FAM227A: variants seen among roughly 807,000 people sequenced by gnomAD.
The protein encoded by FAM227A is protein FAM227A.
FAM227A carries 80 observed loss-of-function variants against 74.7 expected under a neutral mutation model. The observed-to-expected ratio is 1.07, with a 90% confidence interval of 0.89 to 1.29. The LOEUF is 1.29. FAM227A is among the 50% of genes most tolerant of loss of function. FAM227A has a pLI of 0.00. For missense variants in FAM227A, 654 were observed against 683.4 expected (o/e 0.96, Z 0.48); for synonymous variants, 237 against 241.8 (o/e 0.98, Z 0.19).
rs942850403 is a variant in FAM227A, at chr22:38,582,006, G to A, written c.*4119C>T. The A allele has an allele frequency of 5.0e-5, 11 of 221,182 alleles. No homozygotes were observed. The Admixed American group carries it at 5.9e-4, about 12-fold the overall frequency. The allele number at this position is 221,182 out of a possible 1,614,324, so 13.7% of individuals were successfully genotyped here. ...AATCCTCTTGCCTTGGCCTTCCAAA[G>A]TGCTGGGATTACAGGTGTGAGCCAC... On this transcript the variant is annotated 3_prime_UTR_variant, in exon 17 of 17. Transcript: ENST00000535113.
intron 15 of FAM227A, among the ~76,000 whole-genome samples, chr22:38,593,526 A>AAACC (rs1015468666): frequency 3.3e-5 from 5 of 152,064 alleles, no homozygotes; most frequent in Non-Finnish European, 5.9e-5. Flanking sequence ...AAAACAAAAC[A>AAACC]AAAAAAGAAT....
Position 38,599,885 on chromosome 22 carries a change from T to C in FAM227A, c.1258A>G (p.Asn420Asp), listed in dbSNP as rs959416493. Residue 420 changes from asparagine (N) to aspartate (D), a missense_variant, in exon 14 of 17, where the codon AAC becomes GAC. Asn to Asp is a conservative substitution (Grantham distance 23). Coordinates refer to ENST00000535113, the MANE Select transcript of FAM227A (RefSeq NM_001013647.2). ...AACKSPELTS[N>D]LFNIYGKSPL... ...CTCTTCCCATAAATGTTGAAGAGGTTTGAAGTCAGCTCAGGGCTTTTGCAG... is the reference window on the plus strand; with the variant it reads ...CTCTTCCCATAAATGTTGAAGAGGTCTGAAGTCAGCTCAGGGCTTTTGCAG... The C allele has an allele frequency of 2.3e-5, 36 of 1,551,200 alleles. No individual in the cohort carries two copies. The highest frequency in any genetic ancestry group is 7.3e-5 in the East Asian group (3 of 40,900).
rs2090683869 is a variant in FAM227A, at chr22:38,578,948, T to C, written c.*7177A>G. 1 of 152,184 alleles carries C rather than the reference T, an allele frequency of 6.6e-6. No homozygotes were observed. The highest frequency in any genetic ancestry group is 6.5e-5 in the Admixed American group (1 of 15,276). 9.4% of individuals were successfully genotyped at this position (152,184 alleles called of 1,614,324 possible). A position where few individuals can be genotyped will look rare whatever the true frequency, so the allele number is the denominator to read the frequency against. Reference sequence around the variant, plus strand: ...CACTGTTCTAAGTGCCTCCCACAGATTCATGCATCCACTCCTCACACAGAC... The same window carrying C: ...CACTGTTCTAAGTGCCTCCCACAGACTCATGCATCCACTCCTCACACAGAC... On this transcript the variant is annotated 3_prime_UTR_variant, in exon 17 of 17. Transcript: ENST00000535113.
chr22:38,652,311 A>C, intron 1 of FAM227A, among the ~76,000 whole-genome samples: 1 of 151,312 alleles, frequency 6.6e-6, no homozygotes, highest in East Asian at 2.0e-4. Flanking sequence ...ACTTTAGGCC[A>C]GGCGCAGTGG....
At position 38,651,886 on chromosome 22, in the gene FAM227A, T is replaced by C. The variant is rs180986604; in HGVS notation, c.-94-1624A>G. ...TCTGGCAGTCAAGATTCAAATGCCC[T>C]GTTTAAAGTTAACATATTTGGGCTG... is the stretch of plus-strand genomic sequence containing the variant. On this transcript the variant is annotated intron_variant, in intron 1 of 16. Transcript: ENST00000535113. Among the ~76,000 whole-genome samples the C allele has an allele frequency of 5.0e-3, 754 of 152,204 alleles. 8 individuals are homozygous for C. Among genetic ancestry groups the C allele is most frequent in the African/African-American group, 0.017 (721 of 41,550 alleles).
At chr22:38,634,968 C>T (rs551492479) in intron 6 of FAM227A, among the ~76,000 whole-genome samples, 14 of 151,990 alleles carry the variant, frequency 9.2e-5, no homozygotes, top group Non-Finnish European at 1.9e-4. Flanking sequence ...AGGAGGGGGT[C>T]GGGCGCAGTG....
chr22:38,643,519 C>A (rs951825621), intron 3 of FAM227A, among the ~76,000 whole-genome samples: 1 of 152,114 alleles, frequency 6.6e-6, no homozygotes, highest in African/African-American at 2.4e-5. Context: ...CTGGTGAGAA[C>A]GTGGAGCCGC....
In FAM227A at chr22:38,585,758, G is replaced by A. The variant is rs1411872083; in HGVS notation, c.*367C>T. The A allele has an allele frequency of 2.1e-5, 7 of 335,376 alleles. No homozygotes were observed. Among genetic ancestry groups the A allele is most frequent in the South Asian group, 9.6e-5 (2 of 20,824 alleles). 20.8% of individuals were successfully genotyped at this position (335,376 alleles called of 1,614,324 possible). A position where few individuals can be genotyped will look rare whatever the true frequency, so the allele number is the denominator to read the frequency against. On this transcript the variant is annotated 3_prime_UTR_variant, in exon 17 of 17. Coordinates refer to ENST00000535113, the MANE Select transcript of FAM227A (RefSeq NM_001013647.2). ...CCCAGTGTCTACAGCAGAGAACTTC[G>A]GAAACCTTTCTAAACCTGGGCTTGC...
At chr22:38,647,396 GGA>G (rs1412547021) in intron 2 of FAM227A, among the ~76,000 whole-genome samples, 1 of 151,988 alleles carries the variant, frequency 6.6e-6, no homozygotes, top group Admixed American at 6.6e-5. Flanking sequence ...CCCAGGAGGC[GGA>G]CGTTGCAGTG....
rs545048293 is a variant in FAM227A at position 38,636,028 on chromosome 22, GAGAGAA to G, written c.519+417_519+422del. Among the ~76,000 whole-genome samples, 675 of 134,934 alleles carry G rather than the reference GAGAGAA, an allele frequency of 5.0e-3. 3 individuals are homozygous for G. The highest frequency in any genetic ancestry group is 8.0e-3 in the Non-Finnish European group (498 of 62,262). The allele number at this position is 134,934 out of a possible 152,430, so 88.5% of individuals were successfully genotyped here. A position where few individuals can be genotyped will look rare whatever the true frequency, so the allele number is the denominator to read the frequency against. On this transcript the variant is annotated intron_variant, in intron 6 of 16. Transcript: ENST00000535113. ...AAAAGAAAAAGAAGGAAAGAAAGAA[GAGAGAA>G]AGAGAAAGAGAGAGAAAGAAGGAAA...
chr22:38,653,607 C>T lies in FAM227A; in HGVS notation c.-95+2513G>A, dbSNP rs142114508. ...GGTCAGGCTGGTCTCAAACTCCTGA[C>T]CTCGTGATCTGCCTGTCTCAGCCTC... On this transcript the variant is annotated intron_variant, in intron 1 of 16. Coordinates refer to ENST00000535113, the MANE Select transcript of FAM227A (RefSeq NM_001013647.2). Among the ~76,000 whole-genome samples the T allele has an allele frequency of 2.6e-3, 394 of 152,170 alleles. 2 individuals are homozygous for T. Among genetic ancestry groups the T allele is most frequent in the African/African-American group, 9.1e-3 (379 of 41,534 alleles).
rs181988553 is a variant in FAM227A, at chr22:38,603,071, G to A, written c.1221+2183C>T. On this transcript the variant is annotated intron_variant, in intron 13 of 16. Transcript: ENST00000535113. ...GTATTTTTAGTAGAGGTGGGGTTTC[G>A]CCATGTTGGCAAGGCTGGTCTCGAA... Among the ~76,000 whole-genome samples, 931 of 152,134 alleles carry A rather than the reference G, an allele frequency of 6.1e-3. 19 individuals carry two copies. The highest frequency in any genetic ancestry group is 3.7e-3 in the Non-Finnish European group (251 of 67,976).
chr22:38,590,841 G>A (rs2090917724), intron 16 of FAM227A, among the ~76,000 whole-genome samples: 1 of 152,082 alleles, frequency 6.6e-6, no homozygotes, highest in African/African-American at 2.4e-5. Context: ...ATGGAGTGTA[G>A]TGGCGTGATC....
Position 38,605,342 on chromosome 22 carries a change from T to C in FAM227A, c.1133A>G (p.His378Arg), listed in dbSNP as rs1358337434. 1.2e-5 allele frequency: 19 copies of C among 1,540,654 alleles called. No individual in the cohort carries two copies. The highest frequency in any genetic ancestry group is 1.7e-4 in the Middle Eastern group (1 of 5,978). The change falls in exon 13 of 17, where the codon CAT (histidine) becomes CGT (arginine). Residue 378 changes from histidine (H) to arginine (R), a missense_variant. Coordinates refer to ENST00000535113, the MANE Select transcript of FAM227A (RefSeq NM_001013647.2). ...LRMQNTAKEHHCQTLVLKKPT... is the reference protein window; with the variant it reads ...LRMQNTAKEHRCQTLVLKKPT... The stretch of plus-strand genomic sequence containing the variant: ...TTTCTTCAAGACCAGGGTCTGACAA[T>C]GATGCTCTGTCAATGTGACATTAGC...
At chr22:38,643,935 C>A (rs1359185125) in intron 3 of FAM227A, among the ~76,000 whole-genome samples, 7 of 151,890 alleles carry the variant, frequency 4.6e-5, no homozygotes, top group Admixed American at 4.6e-4. Flanking sequence ...ATCACGAGGT[C>A]AGGAGATCGA....
intron 6 of FAM227A, among the ~76,000 whole-genome samples, chr22:38,629,890 C>T (rs545184070): frequency 4.2e-4 from 48 of 113,782 alleles, no homozygotes; most frequent in African/African-American, 1.8e-3. Context: ...ACACAGGTGC[C>T]TCTCCTTTAC....
chr22:38,593,814 C>A (rs1019548659), intron 15 of FAM227A, among the ~76,000 whole-genome samples: 12 of 152,114 alleles, frequency 7.9e-5, no homozygotes, highest in Non-Finnish European at 1.5e-4. Flanking sequence ...CCTCAGCATC[C>A]CAAGTAGCTG....
chr22:38,636,357 TG>T, intron 6 of FAM227A, 93 bp downstream of exon 6: 1 of 1,364,508 alleles, frequency 7.3e-7, no homozygotes, highest in Non-Finnish European at 9.9e-7. Context: ...TGGCCCTAGG[TG>T]AGTTCCTCAG....
chr22:38,638,143 T>G (rs1368999976), intron 5 of FAM227A, among the ~76,000 whole-genome samples: 1 of 151,924 alleles, frequency 6.6e-6, no homozygotes, highest in African/African-American at 2.4e-5. Flanking sequence ...CCAGCCTGGG[T>G]GACAGAGAGA....
Sources: allele counts gnomAD v4.1 joint callset (sites outside exome capture counted in the v4.1 genomes callset), GRCh38; gene constraint gnomAD v4.1.1; transcripts MANE v1.5; gene names NCBI Gene and HGNC (gene_info 2026-07-23, HGNC 2026-07-21).